The following NTNG1 variants were observed in gnomAD, a reference collection of about 807,000 sequenced individuals.
NTNG1 encodes the protein netrin G1.
Under a neutral mutation model 54.0 loss-of-function variants are expected in NTNG1, and 16 were observed. The observed-to-expected ratio is 0.30, with a 90% confidence interval of 0.20 to 0.45. The LOEUF is 0.45. Ranked by LOEUF, NTNG1 falls within the 20% of genes least tolerant of loss-of-function variation. The pLI is 1.00. For synonymous variants in NTNG1, 255 were observed against 263.1 expected (o/e 0.97, Z 0.30); for missense variants, 530 against 678.7 (o/e 0.78, Z 2.43).
At chr1:107,233,913 T>C (rs1432529959) in intron 2 of NTNG1, among the ~76,000 whole-genome samples, 2 of 152,192 alleles carry the variant, frequency 1.3e-5, no homozygotes, top group Non-Finnish European at 2.9e-5. Flanking sequence ...CCATACAGGA[T>C]TTTTGTTTCA....
chr1:107,347,692 T>G (rs1165803719), intron 3 of NTNG1, among the ~76,000 whole-genome samples: 2 of 152,228 alleles, frequency 1.3e-5, no homozygotes, highest in South Asian at 2.1e-4. Flanking sequence ...GACTGGGTAA[T>G]TTATAAAGGA....
intron 2 of NTNG1, among the ~76,000 whole-genome samples, chr1:107,300,129 G>A (rs1290696172): frequency 6.6e-6 from 1 of 152,064 alleles, no homozygotes; most frequent in Non-Finnish European, 1.5e-5. Context: ...TGCCCCTAAA[G>A]CCCCATCATC....
intron 3 of NTNG1, among the ~76,000 whole-genome samples, chr1:107,388,850 G>A (rs1291320618): frequency 6.6e-6 from 1 of 152,216 alleles, no homozygotes; most frequent in Non-Finnish European, 1.5e-5. Flanking sequence ...CAAGGTGGCT[G>A]CAGAGACAGA....
rs1297357488 is a variant in NTNG1 at position 107,208,440 on chromosome 1, AAAAAG to A, written c.246+59605_246+59609del. ...AGCCAAACATCATCTCAAAAAAAAA[AAAAAG>A]AAAGAAAGAAAGAAAGAAAAGAAAT... is the stretch of plus-strand genomic sequence containing the variant. On this transcript the variant is annotated intron_variant, in intron 2 of 7. Transcript: ENST00000370068. 1.8e-3 allele frequency among the ~76,000 whole-genome samples: 278 copies of A among 151,150 alleles called. 1 individual carries two copies. Among genetic ancestry groups the A allele is most frequent in the African/African-American group, 6.4e-3 (262 of 41,178 alleles).
chr1:107,295,791 A>G (rs924938986), intron 2 of NTNG1, among the ~76,000 whole-genome samples: 1 of 152,174 alleles, frequency 6.6e-6, no homozygotes, highest in Non-Finnish European at 1.5e-5. Context: ...GTAAATGATG[A>G]CAGAATCAAG....
chr1:107,388,543 G>A (rs1451652210), intron 3 of NTNG1, among the ~76,000 whole-genome samples: 1 of 152,196 alleles, frequency 6.6e-6, no homozygotes, highest in African/African-American at 2.4e-5. Flanking sequence ...TGGGATTGTT[G>A]TGAGCTTGGT....
At chr1:107,445,200 G>A (rs1230869674) in intron 7 of NTNG1, among the ~76,000 whole-genome samples, 1 of 152,090 alleles carries the variant, frequency 6.6e-6, no homozygotes, top group Non-Finnish European at 1.5e-5. Context: ...GTGAAAGGAA[G>A]CCTTAGATTT....
At chr1:107,449,401 G>A (rs1676488562) in intron 7 of NTNG1, among the ~76,000 whole-genome samples, 1 of 151,994 alleles carries the variant, frequency 6.6e-6, no homozygotes, top group South Asian at 2.1e-4. Flanking sequence ...ATGCAGCCAG[G>A]ATTGAGGACT....
intron 7 of NTNG1, among the ~76,000 whole-genome samples, chr1:107,462,441 T>C: frequency 6.6e-6 from 1 of 152,198 alleles, no homozygotes; most frequent in East Asian, 1.9e-4. Context: ...CCTTGTAAGA[T>C]TGTTAAAAGG....
At chr1:107,186,261 A>G (rs1426846795) in intron 2 of NTNG1, among the ~76,000 whole-genome samples, 2 of 152,144 alleles carry the variant, frequency 1.3e-5, no homozygotes, top group Non-Finnish European at 2.9e-5. Context: ...CCACCCAGTC[A>G]TGCAAAACAC....
intron 2 of NTNG1, among the ~76,000 whole-genome samples, chr1:107,259,929 G>C (rs933436135): frequency 1.3e-5 from 2 of 152,096 alleles, no homozygotes; most frequent in African/African-American, 4.8e-5. Context: ...CTGATTCAGA[G>C]TCCAGAATAA....
intron 3 of NTNG1, among the ~76,000 whole-genome samples, chr1:107,346,929 G>A (rs1219626073): frequency 6.6e-6 from 1 of 150,868 alleles, no homozygotes; most frequent in Non-Finnish European, 1.5e-5. Context: ...CTTTTTGTGG[G>A]GACATGTGCT....
At chr1:107,279,076 A>G (rs1335630657) in intron 2 of NTNG1, among the ~76,000 whole-genome samples, 1 of 152,190 alleles carries the variant, frequency 6.6e-6, no homozygotes, top group East Asian at 1.9e-4. Context: ...CATGGATGAA[A>G]TGAGTAATAG....
chr1:107,284,636 A>G (rs886213640), intron 2 of NTNG1, among the ~76,000 whole-genome samples: 2 of 152,128 alleles, frequency 1.3e-5, no homozygotes, highest in African/African-American at 4.8e-5. Context: ...AACAAAAATT[A>G]TATATATACT....
intron 5 of NTNG1, among the ~76,000 whole-genome samples, chr1:107,416,425 TGTAA>T (rs1674208443): frequency 6.6e-6 from 1 of 152,076 alleles, no homozygotes; most frequent in South Asian, 2.1e-4. Context: ...AGGAACAGAT[TGTAA>T]GTGAGGTGTC....
chr1:107,283,407 A>G (rs1664993046), intron 2 of NTNG1, among the ~76,000 whole-genome samples: 1 of 152,064 alleles, frequency 6.6e-6, no homozygotes, highest in South Asian at 2.1e-4. Flanking sequence ...CTAAATTTCA[A>G]CTTGCAAGCT....
At chr1:107,205,332 A>G (rs1659094299) in intron 2 of NTNG1, among the ~76,000 whole-genome samples, 1 of 152,122 alleles carries the variant, frequency 6.6e-6, no homozygotes, top group East Asian at 1.9e-4. Context: ...TTTGCTATAC[A>G]GCCTCAGTTC....
intron 2 of NTNG1, among the ~76,000 whole-genome samples, chr1:107,299,768 C>T (rs948581066): frequency 6.6e-6 from 1 of 152,136 alleles, no homozygotes; most frequent in African/African-American, 2.4e-5. Context: ...AGATAAGCAA[C>T]TAAGGCCAGG....
chr1:107,293,071 T>A (rs1273936281), intron 2 of NTNG1, among the ~76,000 whole-genome samples: 1 of 152,134 alleles, frequency 6.6e-6, no homozygotes, highest in East Asian at 1.9e-4. Context: ...ACACTATAAG[T>A]ATTAACAGCT....
Sources: allele counts gnomAD v4.1 joint callset (sites outside exome capture counted in the v4.1 genomes callset), GRCh38; gene constraint gnomAD v4.1.1; transcripts MANE v1.5; gene names NCBI Gene and HGNC (gene_info 2026-07-23, HGNC 2026-07-21).